ZNF584: variants seen among roughly 807,000 people sequenced by gnomAD.
The protein encoded by ZNF584 is zinc finger protein 584.
Under a neutral mutation model 14.7 loss-of-function variants are expected in ZNF584, and 12 were observed. The observed-to-expected ratio is 0.82, with a 90% CI of 0.52 to 1.32. ZNF584 has a LOEUF of 1.32. ZNF584 is among the 40% of genes most tolerant of loss of function. The pLI, the probability that ZNF584 is intolerant of heterozygous loss-of-function variation, is 0.00. For synonymous variants in ZNF584, 204 were observed against 190.9 expected (o/e 1.07, Z -0.57); for missense variants, 478 against 518.8 (o/e 0.92, Z 0.76).
At chr19:58,411,377 C>CT (rs1286773073) in intron 2 of ZNF584, among the ~76,000 whole-genome samples, 7 of 151,490 alleles carry the variant, frequency 4.6e-5, no homozygotes, top group Non-Finnish European at 1.0e-4. Context: ...AAATAGAAAA[C>CT]TAGCCAGGTG....
rs781633019 is a variant in ZNF584 at position 58,417,329 on chromosome 19, GA to G, written c.812del (p.Glu271GlyfsTer66). The G allele has an allele frequency of 6.2e-7, 1 of 1,614,200 alleles. No individual in the cohort carries two copies. Among genetic ancestry groups the G allele is most frequent in the South Asian group, 1.1e-5 (1 of 91,082 alleles). On this transcript the variant is annotated frameshift_variant, in exon 4 of 4. Transcript: ENST00000306910. LOFTEE classifies it low-confidence loss of function (END_TRUNC). ...QRIHTGERPY[E>X]CSKCGKTFSV... Reference sequence around the variant, plus strand: ...GATTCACACTGGAGAAAGGCCTTACGAGTGCAGCAAATGTGGTAAAACCTTC... The same window carrying G: ...GATTCACACTGGAGAAAGGCCTTACGGTGCAGCAAATGTGGTAAAACCTTC...
rs1289666663 is a variant in ZNF584, at chr19:58,410,542, T to C, written c.169+451T>C. 4.2e-3 allele frequency among the ~76,000 whole-genome samples: 64 copies of C among 15,380 alleles called. 8 individuals carry two copies. Among genetic ancestry groups the C allele is most frequent in the African/African-American group, 0.015 (59 of 3,816 alleles). 10.1% of individuals were successfully genotyped at this position (15,380 alleles called of 152,430 possible). A position where few individuals can be genotyped will look rare whatever the true frequency, so the allele number is the denominator to read the frequency against. On this transcript the variant is annotated intron_variant, in intron 2 of 3. Transcript: ENST00000306910. ...AAATATATATATATATATATATATATATATATATATATATATGTGTATATA... is the reference window on the plus strand; with the variant it reads ...AAATATATATATATATATATATATACATATATATATATATATGTGTATATA...
At chr19:58,409,890 T>A in intron 1 of ZNF584, 51 bp from the exon 2 acceptor site, 1 of 1,611,600 alleles carries the variant, frequency 6.2e-7, no homozygotes, top group Non-Finnish European at 8.5e-7. Context: ...CCTGAATGTG[T>A]CCATCTGTCC....
intron 2 of ZNF584, among the ~76,000 whole-genome samples, chr19:58,411,850 G>T (rs566361506): frequency 6.6e-6 from 1 of 151,982 alleles, no homozygotes; most frequent in South Asian, 2.1e-4. Context: ...CACCATGTTT[G>T]CAAGGATGGT....
chr19:58,401,765 G>T, intron 1 of ZNF584: 1 of 150,072 alleles, frequency 6.7e-6, no homozygotes, highest in African/African-American at 2.5e-5. Flanking sequence ...CCCCGGCCCC[G>T]CGGGCTTAAG....
chr19:58,417,101 G>A lies in ZNF584; in HGVS notation c.583G>A (p.Ala195Thr). ...RPFRCPTGRS[A>T]FKKSAHINPR... is the part of the protein sequence containing the mutation. ...CTTCAGATGCCCAACAGGCAGAAGTGCTTTCAAGAAGTCAGCTCATATTAA... is the reference window on the plus strand; with the variant it reads ...CTTCAGATGCCCAACAGGCAGAAGTACTTTCAAGAAGTCAGCTCATATTAA... The change falls in exon 4 of 4, where the codon GCT (alanine) becomes ACT (threonine). Residue 195 changes from alanine (A) to threonine (T), a missense_variant. Physicochemically the swap from Ala to Thr is moderately conservative, Grantham distance 58 (BLOSUM62 0). Transcript: ENST00000306910. 1 of 1,614,022 alleles carries A rather than the reference G, an allele frequency of 6.2e-7. No homozygotes were observed. Among genetic ancestry groups the A allele is most frequent in the Non-Finnish European group, 8.5e-7 (1 of 1,179,886 alleles).
At chr19:58,401,906 A>AAAATTT (rs1386954920) in intron 1 of ZNF584, among the ~76,000 whole-genome samples, 1 of 118,538 alleles carries the variant, frequency 8.4e-6, no homozygotes, top group Non-Finnish European at 1.7e-5. Context: ...AAAAAAAAAG[A>AAAATTT]TTTTTTTTTT....
rs781429177 is a variant in ZNF584 at position 58,401,885 on chromosome 19, C to CAAAAA, written n.92+238_92+242dup. 1.0e-3 allele frequency among the ~76,000 whole-genome samples: 67 copies of CAAAAA among 66,964 alleles called. 1 individual carries two copies. The highest frequency in any genetic ancestry group is 2.1e-3 in the South Asian group (3 of 1,450). 43.9% of individuals were successfully genotyped at this position (66,964 alleles called of 152,430 possible). A position where few individuals can be genotyped will look rare whatever the true frequency, so the allele number is the denominator to read the frequency against. On this transcript the variant is annotated intron_variant and non_coding_transcript_variant, in intron 1 of 3. Transcript: ENST00000594993. The stretch of plus-strand genomic sequence containing the variant: ...GGATCCTATATAAAGTGAGACTCCT[C>CAAAAA]AAAAAAAAAAAAAAAAAAAGATTTT...
chr19:58,407,989 C>G (rs2052488937), upstream of ZNF584: 1 of 146,456 alleles, frequency 6.8e-6, no homozygotes. Flanking sequence ...GGCATCCACA[C>G]CTGTGGCCCA....
rs776871177 is a variant in ZNF584 at position 58,417,416 on chromosome 19, T to C, written c.898T>C (p.Cys300Arg). The C allele has an allele frequency of 1.2e-5, 20 of 1,603,482 alleles. No homozygotes were observed. Among genetic ancestry groups the C allele is most frequent in the South Asian group, 3.3e-5 (3 of 90,802 alleles). Residue 300 changes from cysteine to arginine, a missense_variant, in exon 4 of 4, where the codon TGT becomes CGT. Transcript: ENST00000306910. The stretch of plus-strand genomic sequence containing the variant: ...GCACATTGGAGAAAGGCCCTATGAG[T>C]GTACAGAATGTGGGAAGTTCTTTAA... ...KVHIGERPYE[C>R]TECGKFFKYN... is the part of the protein sequence containing the mutation.
In ZNF584 at chr19:58,415,519, C is replaced by A; in HGVS notation, c.170-5C>A. 1 of 1,609,592 alleles carries A rather than the reference C, an allele frequency of 6.2e-7. No homozygotes were observed. ...CCTGTTTCTTTTACTACCTGTCACC[C>A]GCAGGACTTGCACCTTCGAGATCCC... On this transcript the variant is annotated splice_region_variant and splice_polypyrimidine_tract_variant and intron_variant, in intron 2 of 3. Coordinates refer to ENST00000306910, the MANE Select transcript of ZNF584 (RefSeq NM_173548.3).
At chr19:58,405,361 A>G (rs2052461836), upstream of ZNF584, 1 of 82,606 alleles carries the variant, frequency 1.2e-5, no homozygotes, top group African/African-American at 5.9e-5. Flanking sequence ...GGCGCCCCTC[A>G]TCTCCCGGAC....
chr19:58,410,518 A>AATATATATATAT lies in ZNF584; in HGVS notation c.169+456_169+467dup, dbSNP rs1156543028. Among the ~76,000 whole-genome samples the AATATATATATAT allele has an allele frequency of 7.9e-4, 61 of 77,108 alleles. 1 individual carries two copies. The highest frequency in any genetic ancestry group is 9.9e-4 in the African/African-American group (20 of 20,176). 50.6% of individuals were successfully genotyped at this position (77,108 alleles called of 152,430 possible). A position where few individuals can be genotyped will look rare whatever the true frequency, so the allele number is the denominator to read the frequency against. On this transcript the variant is annotated intron_variant, in intron 2 of 3. Coordinates refer to ENST00000306910, the MANE Select transcript of ZNF584 (RefSeq NM_173548.3). ...GAATTTTAATCAGAACGGTTTGGGA[A>AATATATATATAT]ATATATATATATATATATATATATA...
rs1012123564 is a variant in ZNF584 at position 58,408,703 on chromosome 19, C to T, written c.-445C>T. ...GGAGAGCCGGGAATGGAGGTCGTGGCGTGAGGGGCGCCGAGCGAGGGGAGG... is the reference window on the plus strand; with the variant it reads ...GGAGAGCCGGGAATGGAGGTCGTGGTGTGAGGGGCGCCGAGCGAGGGGAGG... On this transcript the variant is annotated 5_prime_UTR_variant, in exon 1 of 4. Coordinates refer to ENST00000306910, the MANE Select transcript of ZNF584 (RefSeq NM_173548.3). The T allele has an allele frequency of 6.1e-5, 10 of 164,038 alleles. No individual in the cohort carries two copies. The highest frequency in any genetic ancestry group is 1.2e-4 in the Non-Finnish European group (9 of 75,582). 10.2% of individuals were successfully genotyped at this position (164,038 alleles called of 1,614,324 possible). A position where few individuals can be genotyped will look rare whatever the true frequency, so the allele number is the denominator to read the frequency against.
rs1197646720 is a variant in ZNF584, at chr19:58,409,038, G to T, written c.-110G>T. The stretch of plus-strand genomic sequence containing the variant: ...CTGTCTTCGGACGCATTTCACCCGC[G>T]CGGGGAGAGCTTCCCGGGAAGGTTC... On this transcript the variant is annotated 5_prime_UTR_variant, in exon 1 of 4. Transcript: ENST00000306910. The T allele has an allele frequency of 1.5e-6, 2 of 1,362,976 alleles. No individual in the cohort carries two copies. The highest frequency in any genetic ancestry group is 1.9e-6 in the Non-Finnish European group (2 of 1,028,964). 84.4% of individuals were successfully genotyped at this position (1,362,976 alleles called of 1,614,324 possible).
intron 2 of ZNF584, among the ~76,000 whole-genome samples, chr19:58,412,193 G>A (rs1375176846): frequency 7.9e-6 from 1 of 126,146 alleles, no homozygotes; most frequent in Non-Finnish European, 1.5e-5. Context: ...TGTTGGCCAG[G>A]GTGGTCTTTT....
chr19:58,409,554 A>G (rs2052514915), intron 1 of ZNF584, among the ~76,000 whole-genome samples: 1 of 152,202 alleles, frequency 6.6e-6, no homozygotes, highest in Non-Finnish European at 1.5e-5. Context: ...AGGGAGAAGG[A>G]TGAGCATAGG....
chr19:58,417,489 G>A lies in ZNF584; in HGVS notation c.971G>A (p.Arg324Lys). ...CACCAGAGAGTTCACACTGGAGAAA[G>A]GCCTTTTGAATGCAAGCAATGTGGG... is the stretch of plus-strand genomic sequence containing the variant. ...ILHQRVHTGE[R>K]PFECKQCGKG... Residue 324 changes from arginine to lysine, a missense_variant, in exon 4 of 4, where the codon AGG (arginine) becomes AAG (lysine). Arg to Lys is a conservative substitution (Grantham distance 26). Transcript: ENST00000306910. The A allele has an allele frequency of 6.2e-7, 1 of 1,614,214 alleles. No homozygotes were observed. The highest frequency in any genetic ancestry group is 8.5e-7 in the Non-Finnish European group (1 of 1,180,042).
intron 1 of ZNF584, chr19:58,401,666 A>G (rs1292157545): frequency 3.3e-5 from 5 of 151,200 alleles, no homozygotes; most frequent in Non-Finnish European, 5.9e-5. Flanking sequence ...GCCTCAGGTG[A>G]GCAGCAAGCG....
Sources: allele counts gnomAD v4.1 joint callset (sites outside exome capture counted in the v4.1 genomes callset), GRCh38; gene constraint gnomAD v4.1.1; transcripts MANE v1.5; gene names NCBI Gene and HGNC (gene_info 2026-07-23, HGNC 2026-07-21).